The following ABLIM1 variants were observed in gnomAD, a reference collection of about 807,000 sequenced individuals.
ABLIM1 encodes the protein actin-binding LIM protein 1.
Under a neutral mutation model 107.0 loss-of-function variants are expected in ABLIM1, and 40 were observed. The ratio of observed to expected loss-of-function variants is 0.37; its 90% CI spans 0.29 to 0.49. The LOEUF (loss-of-function observed/expected upper bound fraction) is 0.49. ABLIM1 is among the 20% of genes least tolerant of loss of function. ABLIM1 has a pLI of 0.97. For synonymous variants in ABLIM1, 357 were observed against 357.3 expected (o/e 1.00, Z 0.01); for missense variants, 857 against 1,008.5 (o/e 0.85, Z 2.04).
chr10:114,459,943 G>A (rs767490910), intron 12 of ABLIM1, among the ~76,000 whole-genome samples: 3 of 152,146 alleles, frequency 2.0e-5, no homozygotes, highest in Admixed American at 1.3e-4. Flanking sequence ...GAACATAGGG[G>A]TGTTATAATT....
chr10:114,478,790 A>C (rs1447344348), intron 8 of ABLIM1, among the ~76,000 whole-genome samples: 1 of 152,060 alleles, frequency 6.6e-6, no homozygotes, highest in Non-Finnish European at 1.5e-5. Context: ...CTTTCACTGA[A>C]TTTACCACTG....
Position 114,558,117 on chromosome 10 carries a change from G to A in ABLIM1, c.674-10341C>T, listed in dbSNP as rs997388583. Among the ~76,000 whole-genome samples the A allele has an allele frequency of 2.6e-5, 4 of 152,240 alleles. No homozygotes were observed. In the East Asian group the frequency reaches 7.7e-4, roughly 29 times the overall value. ...GTCTCAGTCATTGACTTTCTGTGCA[G>A]CGAGCAGCGGGACCCAGACCAAACC... On this transcript the variant is annotated intron_variant, in intron 4 of 22. Coordinates refer to ENST00000533213, the MANE Select transcript of ABLIM1 (RefSeq NM_002313.7).
intron 1 of ABLIM1, among the ~76,000 whole-genome samples, chr10:114,664,211 G>A (rs763382888): frequency 3.9e-5 from 6 of 152,184 alleles, no homozygotes; most frequent in Non-Finnish European, 8.8e-5. Context: ...AATAGAACAG[G>A]AGACTGGTTT....
intron 1 of ABLIM1, among the ~76,000 whole-genome samples, chr10:114,640,993 T>C (rs2078721010): frequency 6.6e-6 from 1 of 152,038 alleles, no homozygotes; most frequent in Non-Finnish European, 1.5e-5. Flanking sequence ...TACCTAGCAC[T>C]AAGAAGGAAC....
At chr10:114,789,911 G>A in the ABLIM1 span, among the ~76,000 whole-genome samples, 1 of 151,928 alleles carries the variant, frequency 6.6e-6, no homozygotes. Context: ...TCCTGCCTCA[G>A]CCTCTGGAGT....
intron 7 of ABLIM1, among the ~76,000 whole-genome samples, chr10:114,489,903 T>C (rs965944308): frequency 3.3e-5 from 5 of 152,220 alleles, no homozygotes; most frequent in African/African-American, 4.8e-5. Context: ...CCTCAACAGA[T>C]AGCCATTTAT....
At chr10:114,537,895 T>C (rs1045239197) in intron 6 of ABLIM1, among the ~76,000 whole-genome samples, 1 of 152,242 alleles carries the variant, frequency 6.6e-6, no homozygotes, top group African/African-American at 2.4e-5. Context: ...TCCTTGCAAG[T>C]GTATGATATA....
the ABLIM1 span, among the ~76,000 whole-genome samples, chr10:114,795,332 C>A: frequency 1.2e-4 from 19 of 152,208 alleles, no homozygotes; most frequent in Non-Finnish European, 2.5e-4. Flanking sequence ...GTCAGACTTA[C>A]ATTGAAGTGC....
chr10:114,690,719 T>C, intron 1 of ABLIM1: 1 of 420,034 alleles, frequency 2.4e-6, no homozygotes, highest in Admixed American at 3.6e-5. Flanking sequence ...TCTTGCTTTG[T>C]TGCCCAAGCT....
chr10:114,514,094 A>C (rs2062385471), intron 6 of ABLIM1, among the ~76,000 whole-genome samples: 1 of 152,202 alleles, frequency 6.6e-6, no homozygotes, highest in African/African-American at 2.4e-5. Flanking sequence ...AGAATAAAAA[A>C]GTTGCTTTCC....
chr10:114,683,446 T>C (rs1315482988), intron 1 of ABLIM1, among the ~76,000 whole-genome samples: 1 of 152,178 alleles, frequency 6.6e-6, no homozygotes, highest in Non-Finnish European at 1.5e-5. Context: ...CAACCTCAGA[T>C]TCCTTTGTAC....
At chr10:114,614,805 G>C (rs1285622383) in intron 1 of ABLIM1, among the ~76,000 whole-genome samples, 1 of 152,162 alleles carries the variant, frequency 6.6e-6, no homozygotes, top group Non-Finnish European at 1.5e-5. Flanking sequence ...TGTAATCCCA[G>C]CACTTTGGGA....
At chr10:114,459,430 C>G (rs2063433720) in intron 12 of ABLIM1, among the ~76,000 whole-genome samples, 1 of 152,220 alleles carries the variant, frequency 6.6e-6, no homozygotes, top group Non-Finnish European at 1.5e-5. Context: ...CTGGAGAGGT[C>G]TTCCATGTAA....
At chr10:114,499,880 C>T (rs2135509147) in intron 6 of ABLIM1, among the ~76,000 whole-genome samples, 1 of 152,270 alleles carries the variant, frequency 6.6e-6, no homozygotes, top group South Asian at 2.1e-4. Context: ...GTTTTTTCAC[C>T]CTCAACTGGG....
At chr10:114,680,290 C>T (rs78054500) in intron 1 of ABLIM1, among the ~76,000 whole-genome samples, 2,610 of 152,266 alleles carry the variant, frequency 0.017, 55 homozygotes, top group African/African-American at 0.053. Flanking sequence ...GATGTGGAAA[C>T]TGAGGCTTAG....
intron 8 of ABLIM1, among the ~76,000 whole-genome samples, chr10:114,475,772 T>A (rs555988778): frequency 6.6e-6 from 1 of 152,202 alleles, no homozygotes; most frequent in Non-Finnish European, 1.5e-5. Context: ...AGGAAACTTA[T>A]GAACTAGGAT....
the ABLIM1 span, among the ~76,000 whole-genome samples, chr10:114,797,550 T>G: frequency 1.3e-5 from 2 of 152,218 alleles, no homozygotes; most frequent in Non-Finnish European, 2.9e-5. Context: ...TCAGAAACTC[T>G]GATTTTTTTA....
chr10:114,563,166 A>G (rs987414789), intron 4 of ABLIM1, among the ~76,000 whole-genome samples: 1 of 152,280 alleles, frequency 6.6e-6, no homozygotes, highest in Non-Finnish European at 1.5e-5. Context: ...AGCGATATTC[A>G]GAAGAATGTT....
chr10:114,770,502 T>C (rs2083010436), upstream of ABLIM1, among the ~76,000 whole-genome samples: 1 of 152,226 alleles, frequency 6.6e-6, no homozygotes, highest in African/African-American at 2.4e-5. Context: ...ATTCTCATTT[T>C]TCTTCCCCAG....
Sources: allele counts gnomAD v4.1 joint callset (sites outside exome capture counted in the v4.1 genomes callset), GRCh38; gene constraint gnomAD v4.1.1; transcripts MANE v1.5; gene names NCBI Gene and HGNC (gene_info 2026-07-23, HGNC 2026-07-21).